Variants in DNAH7 observed in about 807,000 individuals in gnomAD.
The protein encoded by DNAH7 is axonemal beta dynein heavy chain 7.
In DNAH7, 397 loss-of-function variants were observed where a neutral mutation model predicts 444.6. That is an observed-to-expected ratio of 0.89 (90% CI 0.82 to 0.97). DNAH7 has a LOEUF of 0.97. Ranked by LOEUF, DNAH7 falls within the 50% of genes least tolerant of loss-of-function variation. The probability of loss-of-function intolerance (pLI) is 0.00; values close to 1 mark genes in which losing one functional copy is unlikely to be tolerated. For missense variants in DNAH7, 4,902 were observed against 4,800.8 expected, an observed-to-expected ratio of 1.02 and a Z score of -0.62; for synonymous variants, 1,636 against 1,624.4, an observed-to-expected ratio of 1.01 and a Z score of -0.17.
chr2:195,988,238 G>C lies in DNAH7; in HGVS notation c.1354-9C>G. 1 of 1,580,434 alleles carries C rather than the reference G, an allele frequency of 6.3e-7. No individual in the cohort carries two copies. Among genetic ancestry groups the C allele is most frequent in the Non-Finnish European group, 8.6e-7 (1 of 1,168,230 alleles). On this transcript the variant is annotated splice_polypyrimidine_tract_variant and intron_variant, in intron 12 of 64. Transcript: ENST00000312428. ...GGTTTAGACTTACTTTCCTAAACAAGGGGGTAAAAATAATAGTATTTAAAA... is the reference window on the plus strand; with the variant it reads ...GGTTTAGACTTACTTTCCTAAACAACGGGGTAAAAATAATAGTATTTAAAA...
At chr2:195,813,552 T>TA (rs967894708) in intron 51 of DNAH7, among the ~76,000 whole-genome samples, 3 of 152,196 alleles carry the variant, frequency 2.0e-5, no homozygotes, top group Admixed American at 2.0e-4. Flanking sequence ...GTCATACAGA[T>TA]ACGAAAAGTT....
chr2:195,975,210 GA>G (rs1237379789), intron 15 of DNAH7, among the ~76,000 whole-genome samples: 1 of 152,170 alleles, frequency 6.6e-6, no homozygotes, highest in African/African-American at 2.4e-5. Flanking sequence ...AAGAGGGTAG[GA>G]AAGATAGTCT....
At chr2:195,766,592 A>G (rs1230697428) in intron 61 of DNAH7, among the ~76,000 whole-genome samples, 1 of 152,182 alleles carries the variant, frequency 6.6e-6, no homozygotes, top group Non-Finnish European at 1.5e-5. Flanking sequence ...AATATTTTAA[A>G]AAATGAAAGA....
intron 27 of DNAH7, among the ~76,000 whole-genome samples, chr2:195,906,453 C>CTTTTTTTT (rs397870111): frequency 2.6e-5 from 3 of 114,700 alleles, no homozygotes; most frequent in East Asian, 2.5e-4. Flanking sequence ...TTCTTTCTTT[C>CTTTTTTTT]TTTTTTTTTT....
chr2:195,970,139 C>T (rs1409972216), intron 16 of DNAH7, 45 bp from the exon 17 acceptor site: 4 of 1,530,074 alleles, frequency 2.6e-6, no homozygotes, highest in East Asian at 2.4e-5. Context: ...AGTTAAAACC[C>T]CTTGCTGTCA....
intron 12 of DNAH7, among the ~76,000 whole-genome samples, chr2:195,998,393 T>C (rs1693830903): frequency 6.6e-6 from 1 of 151,746 alleles, no homozygotes; most frequent in African/African-American, 2.4e-5. Context: ...GGCTAAGACG[T>C]TGAAACCCCA....
chr2:196,032,960 C>T (rs1044503957), intron 5 of DNAH7, among the ~76,000 whole-genome samples: 3 of 152,104 alleles, frequency 2.0e-5, no homozygotes, highest in African/African-American at 7.2e-5. Flanking sequence ...ATATAAAAAG[C>T]AACTAATGTA....
chr2:195,924,962 A>C (rs534697045), intron 22 of DNAH7, among the ~76,000 whole-genome samples: 4 of 152,250 alleles, frequency 2.6e-5, no homozygotes, highest in Non-Finnish European at 4.4e-5. Flanking sequence ...ACATTTAATA[A>C]AACTGTACAC....
At chr2:195,774,179 T>C (rs1447098727) in intron 60 of DNAH7, among the ~76,000 whole-genome samples, 1 of 152,276 alleles carries the variant, frequency 6.6e-6, no homozygotes, top group Non-Finnish European at 1.5e-5. Flanking sequence ...TTCTGTAATG[T>C]GGCACACCCC....
chr2:195,793,099 TTTTA>T (rs1345856167), intron 57 of DNAH7, among the ~76,000 whole-genome samples: 3 of 151,732 alleles, frequency 2.0e-5, no homozygotes, highest in Admixed American at 6.6e-5. Flanking sequence ...CTGGCTAATT[TTTTA>T]TTTATTTATT....
intron 30 of DNAH7, among the ~76,000 whole-genome samples, chr2:195,892,028 A>G (rs1702041072): frequency 6.6e-6 from 1 of 152,202 alleles, no homozygotes; most frequent in Non-Finnish European, 1.5e-5. Context: ...AGTATTCACA[A>G]TAGTATTTAA....
intron 19 of DNAH7, among the ~76,000 whole-genome samples, chr2:195,943,940 A>T (rs1689632098): frequency 6.6e-6 from 1 of 152,140 alleles, no homozygotes. Flanking sequence ...AATCACATGG[A>T]ACACAAATAT....
intron 15 of DNAH7, among the ~76,000 whole-genome samples, chr2:195,980,318 T>C (rs1406819037): frequency 1.3e-5 from 2 of 152,168 alleles, no homozygotes; most frequent in Non-Finnish European, 1.5e-5. Context: ...CCTGCTGCCA[T>C]GTGAAGAAGG....
intron 57 of DNAH7, among the ~76,000 whole-genome samples, chr2:195,788,816 A>G (rs1191551064): frequency 6.6e-6 from 1 of 152,184 alleles, no homozygotes; most frequent in Non-Finnish European, 1.5e-5. Flanking sequence ...CACTTCTAAA[A>G]TATGTATGTA....
intron 28 of DNAH7, among the ~76,000 whole-genome samples, chr2:195,898,211 C>T (rs2125253911): frequency 6.6e-6 from 1 of 152,148 alleles, no homozygotes; most frequent in Middle Eastern, 3.4e-3. Flanking sequence ...TATTTTGATG[C>T]CAAGGCCTTT....
chr2:195,885,654 A>G (rs1177017703), intron 34 of DNAH7, among the ~76,000 whole-genome samples: 1 of 152,198 alleles, frequency 6.6e-6, no homozygotes, highest in African/African-American at 2.4e-5. Flanking sequence ...TTTTATTCCC[A>G]TTTTAAAAAT....
chr2:195,971,203 A>G (rs1337095421), intron 16 of DNAH7, among the ~76,000 whole-genome samples: 2 of 152,198 alleles, frequency 1.3e-5, no homozygotes, highest in African/African-American at 4.8e-5. Context: ...ATGGCTTGCT[A>G]TTAAAGGACA....
intron 61 of DNAH7, among the ~76,000 whole-genome samples, chr2:195,770,026 G>A (rs754100582): frequency 2.6e-5 from 4 of 152,046 alleles, no homozygotes; most frequent in African/African-American, 4.8e-5. Flanking sequence ...CTTTCCACTT[G>A]CTTAGGCCAA....
chr2:195,791,335 C>T (rs897587603), intron 57 of DNAH7, among the ~76,000 whole-genome samples: 10 of 141,368 alleles, frequency 7.1e-5, no homozygotes, highest in East Asian at 2.1e-4. Context: ...GGCGAGGTGG[C>T]GGGCGCCTGT....
Sources: gnomAD v4.1 joint callset for allele counts (sites outside exome capture counted in the v4.1 genomes callset) on GRCh38, gnomAD v4.1.1 for gene constraint, MANE v1.5 for transcripts, NCBI Gene and HGNC (gene_info 2026-07-23, HGNC 2026-07-21) for gene names.